The following NFIB variants were observed in gnomAD, a reference collection of about 807,000 sequenced individuals.
NFIB encodes the protein nuclear factor I B.
In NFIB, 11 loss-of-function variants were observed where a neutral mutation model predicts 61.5. The ratio of observed to expected loss-of-function variants is 0.18; its 90% CI spans 0.11 to 0.30. The LOEUF (loss-of-function observed/expected upper bound fraction) is 0.30, where lower values mean the gene tolerates loss of function less well. Ranked by LOEUF, NFIB falls within the 10% of genes least tolerant of loss-of-function variation. NFIB has a pLI of 1.00. For synonymous variants in NFIB, 260 were observed against 216.5 expected, an observed-to-expected ratio of 1.20 and a Z score of -1.76; for missense variants, 471 against 608.9, an observed-to-expected ratio of 0.77 and a Z score of 2.38.
At chr9:14,142,438 AG>A (rs2041843836) in intron 6 of NFIB, among the ~76,000 whole-genome samples, 1 of 152,198 alleles carries the variant, frequency 6.6e-6, no homozygotes, top group Non-Finnish European at 1.5e-5. Context: ...AGTCTCAAGT[AG>A]GTCTTTATCA....
chr9:14,488,543 C>T, the NFIB span, among the ~76,000 whole-genome samples: 4 of 152,044 alleles, frequency 2.6e-5, no homozygotes, highest in African/African-American at 9.7e-5. Context: ...TCATGCCACC[C>T]TATGCTGGCA....
At chr9:14,450,460 C>G in the NFIB span, among the ~76,000 whole-genome samples, 5 of 152,290 alleles carry the variant, frequency 3.3e-5, no homozygotes, top group Non-Finnish European at 1.5e-5. Context: ...AGTCTATTAT[C>G]CTGTCTTCAT....
At chr9:14,195,611 G>C (rs1232127523) in intron 2 of NFIB, among the ~76,000 whole-genome samples, 1 of 152,222 alleles carries the variant, frequency 6.6e-6, no homozygotes, top group Non-Finnish European at 1.5e-5. Flanking sequence ...AGTGAAGCCA[G>C]GATTGCAGAC....
intron 1 of NFIB, among the ~76,000 whole-genome samples, chr9:14,390,829 C>A (rs909302140): frequency 7.9e-5 from 12 of 152,192 alleles, no homozygotes; most frequent in Non-Finnish European, 4.4e-5. Flanking sequence ...GGCTTCCTGG[C>A]CTCCAGAACT....
At chr9:14,263,437 T>C (rs1448774070) in intron 2 of NFIB, among the ~76,000 whole-genome samples, 1 of 152,212 alleles carries the variant, frequency 6.6e-6, no homozygotes, top group African/African-American at 2.4e-5. Flanking sequence ...TTTAAAAGTC[T>C]GTTTCCATAC....
At chr9:14,115,241 C>G (rs540536207) in intron 9 of NFIB, among the ~76,000 whole-genome samples, 2 of 151,470 alleles carry the variant, frequency 1.3e-5, no homozygotes, top group South Asian at 4.2e-4. Context: ...CTGATTGTCT[C>G]TGATTCACAT....
chr9:14,501,566 G>C, the NFIB span, among the ~76,000 whole-genome samples: 3 of 152,182 alleles, frequency 2.0e-5, no homozygotes, highest in Non-Finnish European at 2.9e-5. Flanking sequence ...TGACGTAATG[G>C]ATGTGTCACA....
At chr9:14,459,933 G>C in the NFIB span, among the ~76,000 whole-genome samples, 116 of 152,126 alleles carry the variant, frequency 7.6e-4, no homozygotes, top group Admixed American at 1.4e-3. Flanking sequence ...CTGTAGACTA[G>C]TTCAACCATT....
At chr9:14,303,134 T>G (rs1314171532) in intron 2 of NFIB, among the ~76,000 whole-genome samples, 1 of 152,206 alleles carries the variant, frequency 6.6e-6, no homozygotes, top group Non-Finnish European at 1.5e-5. Flanking sequence ...CATTTCTAAC[T>G]AGAGAGGAAA....
the NFIB span, among the ~76,000 whole-genome samples, chr9:14,427,951 T>TG: frequency 2.7e-5 from 3 of 112,896 alleles, no homozygotes; most frequent in African/African-American, 6.6e-5. Context: ...TTTTTTTTTT[T>TG]TTTTTTTTTT....
the NFIB span, among the ~76,000 whole-genome samples, chr9:14,528,033 T>C: frequency 5.9e-5 from 9 of 152,148 alleles, no homozygotes; most frequent in African/African-American, 2.2e-4. Context: ...ATACAGACCG[T>C]AACATATACT....
At chr9:14,386,086 C>T (rs763226470) in intron 1 of NFIB, among the ~76,000 whole-genome samples, 2 of 152,042 alleles carry the variant, frequency 1.3e-5, no homozygotes, top group East Asian at 1.9e-4. Flanking sequence ...CTCGGTGACA[C>T]GGTGGAATTT....
At chr9:14,468,752 C>G in the NFIB span, among the ~76,000 whole-genome samples, 1 of 152,172 alleles carries the variant, frequency 6.6e-6, no homozygotes, top group Non-Finnish European at 1.5e-5. Flanking sequence ...GCTAGGTGTT[C>G]TACATACATA....
chr9:14,197,959 T>C (rs2382456), intron 2 of NFIB, among the ~76,000 whole-genome samples: 133,603 of 152,136 alleles, frequency 0.88, 58,879 homozygotes, highest in South Asian at 0.93. Context: ...GAAAGTGCTA[T>C]GGACAATTTT....
chr9:14,088,488 C>T (rs865854770), intron 10 of NFIB, among the ~76,000 whole-genome samples, 162 bp from the exon 11 acceptor site: 1 of 152,074 alleles, frequency 6.6e-6, no homozygotes, highest in Non-Finnish European at 1.5e-5. Context: ...CCAAATTATA[C>T]ATGTTACACC....
chr9:14,343,097 C>A (rs1187128180), intron 1 of NFIB, among the ~76,000 whole-genome samples: 1 of 152,122 alleles, frequency 6.6e-6, no homozygotes, highest in African/African-American at 2.4e-5. Context: ...ATTTTGCCAA[C>A]CCTGTACCAC....
intron 2 of NFIB, among the ~76,000 whole-genome samples, chr9:14,209,819 C>T (rs988489635): frequency 6.6e-6 from 1 of 152,060 alleles, no homozygotes; most frequent in African/African-American, 2.4e-5. Flanking sequence ...TCTGGGTAAA[C>T]TTGCCCACTG....
intron 2 of NFIB, among the ~76,000 whole-genome samples, chr9:14,272,481 A>G (rs1366585040): frequency 6.6e-6 from 1 of 152,148 alleles, no homozygotes; most frequent in Non-Finnish European, 1.5e-5. Flanking sequence ...GTTTGCAGCT[A>G]TAAATTTAAA....
intron 1 of NFIB, among the ~76,000 whole-genome samples, chr9:14,346,290 A>ACCACCC (rs2061019460): frequency 1.1e-5 from 1 of 88,394 alleles, no homozygotes. Context: ...GGTAACCGAC[A>ACCACCC]CCCCCCCCCC....
Sources: gnomAD v4.1 joint callset for allele counts (sites outside exome capture counted in the v4.1 genomes callset) on GRCh38, gnomAD v4.1.1 for gene constraint, MANE v1.5 for transcripts, NCBI Gene and HGNC (gene_info 2026-07-23, HGNC 2026-07-21) for gene names.